Variants in CPSF1 observed in about 807,000 individuals in gnomAD.
CPSF1 encodes cleavage and polyadenylation specific factor 1, also known as cleavage and polyadenylation specificity factor subunit 1.
Under a neutral mutation model 175.8 loss-of-function variants are expected in CPSF1, and 106 were observed. The observed-to-expected ratio is 0.60, with a 90% CI of 0.52 to 0.71. The LOEUF is 0.71. Among genes scored for constraint, CPSF1 ranks in the 30% least tolerant of loss-of-function variants. CPSF1 has a pLI of 0.00. For synonymous variants in CPSF1, 1,024 were observed against 858.3 expected (o/e 1.19, Z -3.37); for missense variants, 1,734 against 2,022.9 (o/e 0.86, Z 2.74).
chr8:144,396,687 C>G lies in CPSF1; in HGVS notation c.2737G>C (p.Ala913Pro). 1 of 1,613,966 alleles carries G rather than the reference C, an allele frequency of 6.2e-7. No individual in the cohort carries two copies. The highest frequency in any genetic ancestry group is 8.5e-7 in the Non-Finnish European group (1 of 1,180,018). ...EKKPKPSKKK[A>P]EGGGAEEGAG... is the part of the protein sequence containing the mutation. ...CCCTCCTCTGCGCCGCCACCTTCTGCTTTCTTCTTGGATGGCTTTGGCTTC... is the reference window on the plus strand; with the variant it reads ...CCCTCCTCTGCGCCGCCACCTTCTGGTTTCTTCTTGGATGGCTTTGGCTTC... Residue 913 changes from alanine (A) to proline (P), a missense_variant, in exon 25 of 38, where the codon GCA becomes CCA. Coordinates refer to ENST00000616140, the MANE Select transcript of CPSF1 (RefSeq NM_013291.3).
rs1554864381 is a variant in CPSF1 at position 144,397,475 on chromosome 8, GGCACC to G, written c.2385+7_2385+11del. 6.3e-7 allele frequency: 1 copy of G among 1,598,016 alleles called. No homozygotes were observed. The highest frequency in any genetic ancestry group is 8.5e-7 in the Non-Finnish European group (1 of 1,170,800). ...TGGAACCCGCTGGGCCACAGTGCAG[GGCACC>G]ACCTACCTCCATGGTGCCATTCTCC... On this transcript the variant is annotated splice_region_variant and intron_variant, in intron 22 of 37. Transcript: ENST00000616140.
chr8:144,393,434 G>C lies in CPSF1; in HGVS notation c.4284+18C>G. The C allele has an allele frequency of 1.3e-6, 2 of 1,538,210 alleles. No homozygotes were observed. The highest frequency in any genetic ancestry group is 1.8e-6 in the Non-Finnish European group (2 of 1,140,574). On this transcript the variant is annotated intron_variant, in intron 37 of 37. Coordinates refer to ENST00000616140, the MANE Select transcript of CPSF1 (RefSeq NM_013291.3). ...ACACGGAGGGGCGGGGCGCGCGGGG[G>C]GCGGGGCGCGCACTCACTATGTCTG...
Position 144,400,147 on chromosome 8 carries a change from C to CCAGCCACCCCA in CPSF1, c.937+8_937+18dup. Reference sequence around the variant, plus strand: ...AAGCCGTCCCCGGGCCCCCCCCGCCCCAGCCACCCCACACTCACGAAGCGG... The same window carrying CCAGCCACCCCA: ...AAGCCGTCCCCGGGCCCCCCCCGCCCCAGCCACCCCACAGCCACCCCACACTCACGAAGCGG... On this transcript the variant is annotated intron_variant, in intron 9 of 37. Transcript: ENST00000616140. The CCAGCCACCCCA allele has an allele frequency of 7.0e-7, 1 of 1,426,006 alleles. No individual in the cohort carries two copies. The highest frequency in any genetic ancestry group is 9.5e-7 in the Non-Finnish European group (1 of 1,052,418). 88.3% of individuals were successfully genotyped at this position (1,426,006 alleles called of 1,614,324 possible). A position where few individuals can be genotyped will look rare whatever the true frequency, so the allele number is the denominator to read the frequency against.
At position 144,397,782 on chromosome 8, in the gene CPSF1, C is replaced by A. The variant is rs375349380; in HGVS notation, c.2171G>T (p.Arg724Leu). 1 of 1,608,004 alleles carries A rather than the reference C, an allele frequency of 6.2e-7. No homozygotes were observed. The highest frequency in any genetic ancestry group is 1.7e-5 in the Admixed American group (1 of 59,704). Residue 724 changes from arginine to leucine, a missense_variant, in exon 21 of 38, where the codon CGC becomes CTC. By Grantham distance (102) the Arg-to-Leu change is moderately radical. This residue lies in a region of CPSF1 where 585 missense variants were observed against 584.7 expected (regional missense o/e 1.00). Transcript: ENST00000616140. ...CAGGCCCTCGGCCTCCGGGCCACTG[C>A]GGCCCCCGAGCTCGTCACGGGCCCC... is the stretch of plus-strand genomic sequence containing the variant. ...LGGARDELGG[R>L]SGPEAEGLGS...
chr8:144,399,373 G>A lies in CPSF1; in HGVS notation c.1295C>T (p.Ala432Val). The A allele has an allele frequency of 6.2e-7, 1 of 1,612,806 alleles. No individual in the cohort carries two copies. The change falls in exon 14 of 38, where the codon GCT (alanine) becomes GTT (valine). Residue 432 changes from alanine (A) to valine (V), a missense_variant and splice_region_variant. This residue lies in a region of CPSF1 where 162 missense variants were observed against 169.5 expected (regional missense o/e 0.96). Coordinates refer to ENST00000616140, the MANE Select transcript of CPSF1 (RefSeq NM_013291.3). This position sits in a 1 kb window ranked among gnomAD's most constrained non-coding sequence, Gnocchi z 6.4. Reference sequence around the variant, plus strand: ...ATCCTGCGGCACCGACTTACCCGCAGCTGCACACAGAGAGCCCACTTGAGC... The same window carrying A: ...ATCCTGCGGCACCGACTTACCCGCAACTGCACACAGAGAGCCCACTTGAGC... ...KRVDATAGWS[A>V]AGKSVPQDEV...
At position 144,394,710 on chromosome 8, in the gene CPSF1, C is replaced by T. The variant is rs1554862950; in HGVS notation, c.3501G>A (p.Glu1167=). ...KNKFKVLYEK[E]QKGPVTALCH... ...ACAGGGCGGTCACGGGCCCCTTCTG[C>T]TCCTTCTCGTAAAGGACTTTGAACT... is the stretch of plus-strand genomic sequence containing the variant. Residue 1167 remains glutamate (E), a synonymous_variant, in exon 31 of 38, where the codon GAG becomes GAA. Transcript: ENST00000616140. The T allele has an allele frequency of 1.2e-6, 2 of 1,613,238 alleles. No homozygotes were observed. Among genetic ancestry groups the T allele is most frequent in the South Asian group, 1.1e-5 (1 of 91,068 alleles).
In CPSF1 at chr8:144,393,902, A is replaced by G; in HGVS notation, c.3996T>C (p.Asn1332=). The G allele has an allele frequency of 6.2e-7, 1 of 1,612,250 alleles. No individual in the cohort carries two copies. The highest frequency in any genetic ancestry group is 8.5e-7 in the Non-Finnish European group (1 of 1,179,330). ...ACTCACCAAACCACGTGATGTGCTT[A>G]TTCTCCCACACGACCGACTTTTTGC... ...GLSKKSVVWE[N]KHITWFATLD... The change falls in exon 35 of 38, where the codon AAT becomes AAC. Residue 1332 remains asparagine, a synonymous_variant. Transcript: ENST00000616140.
In CPSF1 at chr8:144,400,506, G is replaced by C. The variant is rs1018467378; in HGVS notation, c.687-13C>G. On this transcript the variant is annotated splice_polypyrimidine_tract_variant and intron_variant, in intron 7 of 37. Transcript: ENST00000616140. ...CACGGCCACGCGCCTGGGGACGCCA[G>C]TGGGTCAGCCAAGGGCCTTGCCTCC... The C allele has an allele frequency of 6.2e-7, 1 of 1,612,062 alleles. No individual in the cohort carries two copies. Among genetic ancestry groups the C allele is most frequent in the Non-Finnish European group, 8.5e-7 (1 of 1,179,884 alleles).
Position 144,399,617 on chromosome 8 carries a change from C to T in CPSF1, c.1213G>A (p.Ala405Thr), listed in dbSNP as rs2116864593. 1.2e-6 allele frequency: 2 copies of T among 1,610,538 alleles called. No individual in the cohort carries two copies. The highest frequency in any genetic ancestry group is 1.7e-5 in the Admixed American group (1 of 59,628). Residue 405 changes from alanine to threonine, a missense_variant, in exon 12 of 38, where the codon GCC becomes ACC. Coordinates refer to ENST00000616140, the MANE Select transcript of CPSF1 (RefSeq NM_013291.3). This position sits in a 1 kb window ranked among gnomAD's most constrained non-coding sequence, Gnocchi z 6.4. ...KYTEKLQEPP[A>T]SAVREAADKE... ...TCGGCAGCCTCACGGACAGCACTGG[C>T]CGGGGGCTCCTGCAGCTTCTCCGTG...
In CPSF1 at chr8:144,398,462, A is replaced by AG; in HGVS notation, c.1753-20dup. The stretch of plus-strand genomic sequence containing the variant: ...GCAGGATCTGCGGGCGACAGCTGTG[A>AG]GGGAGGCGCCCCCCGCAGGGGACCC... On this transcript the variant is annotated intron_variant, in intron 18 of 37. Transcript: ENST00000616140. 2 of 1,613,454 alleles carry AG rather than the reference A, an allele frequency of 1.2e-6. No homozygotes were observed. The highest frequency in any genetic ancestry group is 1.7e-6 in the Non-Finnish European group (2 of 1,179,888).
chr8:144,408,937 GC>G, intron 2 of CPSF1, 77 bp downstream of exon 2: 1 of 1,540,140 alleles, frequency 6.5e-7, no homozygotes, highest in Non-Finnish European at 8.8e-7. Context: ...CTGGGGCTTG[GC>G]TCTTCCATCT....
rs145842497 is a variant in CPSF1 at position 144,397,580 on chromosome 8, T to G, written c.2292A>C (p.Arg764Ser). ...LFSPSKEEAR[R>S]SSQPPADRDP... is the part of the protein sequence containing the mutation. ...CCCGGTCAGCAGGGGGCTGGCTGCT[T>G]CTTCGGGCCTCCTCCTTGCTGGGGC... The change falls in exon 22 of 38, where the codon AGA (arginine) becomes AGC (serine). Residue 764 changes from arginine (R) to serine (S), a missense_variant. Coordinates refer to ENST00000616140, the MANE Select transcript of CPSF1 (RefSeq NM_013291.3). 1,168 of 1,541,204 alleles carry G rather than the reference T, an allele frequency of 7.6e-4. 2 individuals are homozygous for G. The highest frequency in any genetic ancestry group is 9.9e-4 in the Non-Finnish European group (1,127 of 1,138,774).
At position 144,401,462 on chromosome 8, in the gene CPSF1, C is replaced by G; in HGVS notation, c.274G>C (p.Asp92His). 1 of 1,614,072 alleles carries G rather than the reference C, an allele frequency of 6.2e-7. No homozygotes were observed. Among genetic ancestry groups the G allele is most frequent in the Non-Finnish European group, 8.5e-7 (1 of 1,180,008 alleles). ...ASVQLAGAKR[D>H]ALLLSFKDAK... Reference sequence around the variant, plus strand: ...TCCTTGAAGCTTAGGAGCAGGGCATCCCGCTTGGCTCCTGCCAGCTGCACG... The same window carrying G: ...TCCTTGAAGCTTAGGAGCAGGGCATGCCGCTTGGCTCCTGCCAGCTGCACG... Residue 92 changes from aspartate to histidine, a missense_variant, in exon 4 of 38, where the codon GAT (aspartate) becomes CAT (histidine). Physicochemically the swap from Asp to His is moderately conservative, Grantham distance 81 (BLOSUM62 -1). Around this residue, in one of 10 missense-constraint regions of CPSF1, gnomAD observed 122 missense variants for 177.2 expected, o/e 0.69. Transcript: ENST00000616140.
At chr8:144,400,132 C>CCGGGGGGGGGGG in intron 9 of CPSF1, 34 bp downstream of exon 9, 1 of 1,067,950 alleles carries the variant, frequency 9.4e-7, no homozygotes, top group Non-Finnish European at 1.3e-6. Context: ...AAGCCGTCCC[C>CCGGGGGGGGGGG]GGGCCCCCCC....
At position 144,394,165 on chromosome 8, in the gene CPSF1, G is replaced by GGAGCA; in HGVS notation, c.3812-10_3812-6dup. 6.2e-7 allele frequency: 1 copy of GGAGCA among 1,612,720 alleles called. No individual in the cohort carries two copies. The highest frequency in any genetic ancestry group is 8.5e-7 in the Non-Finnish European group (1 of 1,179,938). On this transcript the variant is annotated splice_polypyrimidine_tract_variant and splice_region_variant and intron_variant, in intron 33 of 37. Coordinates refer to ENST00000616140, the MANE Select transcript of CPSF1 (RefSeq NM_013291.3). ...GGTTGCGGTCGCGGTCAGACACTGG[G>GGAGCA]GAGCAGAGGCCCAGGGTCAGCCCCG...
chr8:144,394,939 G>C lies in CPSF1; in HGVS notation c.3357C>G (p.Gly1119=). The part of the protein sequence containing the change: ...RSEETVSGLK[G]YVAAGTCLMQ... The stretch of plus-strand genomic sequence containing the variant: ...TGAGGCAGGTCCCGGCGGCCACGTA[G>C]CCTTTGAGGCCCGACACGGTCTCCT... The change falls in exon 30 of 38, where the codon GGC becomes GGG. Residue 1119 remains glycine (G), a synonymous_variant. Transcript: ENST00000616140. The C allele has an allele frequency of 4.3e-6, 7 of 1,612,908 alleles. No individual in the cohort carries two copies. Among genetic ancestry groups the C allele is most frequent in the Non-Finnish European group, 5.9e-6 (7 of 1,179,940 alleles).
intron 16 of CPSF1, 37 bp from the exon 17 acceptor site, chr8:144,398,905 T>A (rs909562044): frequency 1.2e-6 from 2 of 1,609,582 alleles, no homozygotes; most frequent in Admixed American, 3.3e-5. Context: ...GATGGGGGTG[T>A]GAGCCCACCC....
intron 26 of CPSF1, 125 bp downstream of exon 26, chr8:144,396,223 C>T (rs1235171048): frequency 8.8e-6 from 9 of 1,019,754 alleles, no homozygotes; most frequent in South Asian, 8.0e-5. Context: ...TCAACCCCAT[C>T]GCCCTCTGGA....
At chr8:144,400,888 A>C (rs1586627717) in intron 6 of CPSF1, 36 bp downstream of exon 6, 2 of 1,603,124 alleles carry the variant, frequency 1.2e-6, no homozygotes. Context: ...GGCGCCTCCC[A>C]CCCCAGCACC....
Sources: gnomAD v4.1 joint callset for allele counts on GRCh38, gnomAD v4.1.1 for gene constraint, gnomAD v4.1.1 regional missense constraint, Gnocchi (gnomAD v3.1) non-coding constraint, MANE v1.5 for transcripts, NCBI Gene and HGNC (gene_info 2026-07-23, HGNC 2026-07-21) for gene names.